The following ADRA1A variants were observed in gnomAD, a reference collection of about 807,000 sequenced individuals.
ADRA1A encodes adrenoceptor alpha 1A.
A neutral mutation model predicts 29.6 loss-of-function variants in ADRA1A; 31 were observed. The ratio of observed to expected loss-of-function variants is 1.05; its 90% CI spans 0.79 to 1.41. ADRA1A has a LOEUF of 1.41. ADRA1A is among the 40% of genes most tolerant of loss of function. The pLI is 0.00. For synonymous variants in ADRA1A, 311 were observed against 254.3 expected (o/e 1.22, Z -2.12); for missense variants, 619 against 601.1 (o/e 1.03, Z -0.31).
chr8:26,757,516 C>CG (rs917719672), intron 2 of ADRA1A, among the ~76,000 whole-genome samples: 43 of 150,330 alleles, frequency 2.9e-4, no homozygotes, highest in Non-Finnish European at 5.5e-4. Context: ...TCCATTTCCC[C>CG]CACCCCCCAC....
chr8:26,765,133 T>A (rs1453561027), downstream of ADRA1A, among the ~76,000 whole-genome samples: 1 of 152,176 alleles, frequency 6.6e-6, no homozygotes, highest in Non-Finnish European at 1.5e-5. Flanking sequence ...CTATGGTAAA[T>A]CTTCCTGCTC....
chr8:26,836,468 C>G (rs1006744511), intron 2 of ADRA1A, among the ~76,000 whole-genome samples: 1 of 152,174 alleles, frequency 6.6e-6, no homozygotes, highest in Non-Finnish European at 1.5e-5. Context: ...GAAGAGAAAA[C>G]CCACCAAACT....
rs939155569 is a variant in ADRA1A, at chr8:26,821,391, A to G, written c.883+42696T>C. On this transcript the variant is annotated intron_variant, in intron 2 of 2. Transcript: ENST00000380573. The surrounding 1 kb of genome is among the most constrained non-coding windows in gnomAD (Gnocchi z 5.6). ...AATATCACATGGTGAGAGTGGGAGC[A>G]AGACAGAGCAAGGGAGTGGGGAGGC... 1.3e-5 allele frequency among the ~76,000 whole-genome samples: 2 copies of G among 152,154 alleles called. No homozygotes were observed. The highest frequency in any genetic ancestry group is 6.5e-5 in the Admixed American group (1 of 15,278).
chr8:26,774,788 C>G (rs765107693), intron 2 of ADRA1A, among the ~76,000 whole-genome samples: 3 of 152,082 alleles, frequency 2.0e-5, no homozygotes, highest in African/African-American at 7.2e-5. Flanking sequence ...TGGAATTGGG[C>G]TTGGAAAGCA....
intron 2 of ADRA1A, among the ~76,000 whole-genome samples, chr8:26,758,029 A>G (rs1345662407): frequency 2.0e-5 from 3 of 152,218 alleles, no homozygotes; most frequent in African/African-American, 7.2e-5. Context: ...GGCTGTCTAC[A>G]ATTCAGAGAG....
At chr8:26,839,380 G>A (rs1443856639) in intron 2 of ADRA1A, among the ~76,000 whole-genome samples, 2 of 152,078 alleles carry the variant, frequency 1.3e-5, no homozygotes, top group East Asian at 1.9e-4. Context: ...GGATGGTCTC[G>A]ATCTCCTGAC....
intron 2 of ADRA1A, among the ~76,000 whole-genome samples, chr8:26,832,242 G>A (rs781683456): frequency 1.3e-5 from 2 of 152,196 alleles, no homozygotes; most frequent in Non-Finnish European, 2.9e-5. Flanking sequence ...CCTTGCTGGT[G>A]AAACCCTGTC....
chr8:26,768,012 T>A (rs1170341454), downstream of ADRA1A, among the ~76,000 whole-genome samples: 2 of 152,100 alleles, frequency 1.3e-5, no homozygotes, highest in African/African-American at 4.8e-5. Context: ...CCGGCCAACA[T>A]CTCAGTGCCA....
chr8:26,767,346 A>ATT (rs34400308), downstream of ADRA1A, among the ~76,000 whole-genome samples: 2 of 152,108 alleles, frequency 1.3e-5, no homozygotes, highest in East Asian at 1.9e-4. Context: ...AATTTTAGAT[A>ATT]TTTTTTGGCA....
At chr8:26,835,651 G>A (rs1416110493) in intron 2 of ADRA1A, among the ~76,000 whole-genome samples, 3 of 152,088 alleles carry the variant, frequency 2.0e-5, no homozygotes, top group African/African-American at 4.8e-5. Context: ...TCCCTCCCAC[G>A]ACACATGGGA....
intron 2 of ADRA1A, among the ~76,000 whole-genome samples, chr8:26,861,253 G>A (rs549634448): frequency 6.8e-6 from 1 of 147,616 alleles, no homozygotes; most frequent in South Asian, 2.1e-4. Context: ...TTGCAATCTT[G>A]TTTGCTGGCT....
At chr8:26,812,644 T>C (rs1809474280) in intron 2 of ADRA1A, among the ~76,000 whole-genome samples, 1 of 150,516 alleles carries the variant, frequency 6.6e-6, no homozygotes, top group Non-Finnish European at 1.5e-5. Context: ...TTTATTTATT[T>C]ATTTATTTAT....
chr8:26,850,045 C>CAAA (rs780926887), intron 2 of ADRA1A, among the ~76,000 whole-genome samples: 1 of 123,386 alleles, frequency 8.1e-6, no homozygotes, highest in Non-Finnish European at 1.8e-5. Flanking sequence ...AAACAAAAAA[C>CAAA]AAAAAAAAAA....
chr8:26,814,896 CTTCTT>C (rs1809655897), intron 2 of ADRA1A, among the ~76,000 whole-genome samples: 1 of 152,150 alleles, frequency 6.6e-6, no homozygotes, highest in Non-Finnish European at 1.5e-5. Flanking sequence ...ATATGTCTCT[CTTCTT>C]TTATCTCTTG....
At chr8:26,807,298 A>G (rs1165617493) in intron 2 of ADRA1A, among the ~76,000 whole-genome samples, 2 of 152,206 alleles carry the variant, frequency 1.3e-5, no homozygotes, top group Non-Finnish European at 2.9e-5. Context: ...GCTTCTTTTG[A>G]TAATTAAATA....
chr8:26,756,408 A>C, exon 3 of ADRA1A: 1 of 1,332,730 alleles, frequency 7.5e-7, no homozygotes, highest in Non-Finnish European at 9.7e-7. Flanking sequence ...CACACCCTAC[A>C]CGTGGCTGAT....
intron 2 of ADRA1A, among the ~76,000 whole-genome samples, chr8:26,849,356 A>G (rs1454728842): frequency 6.6e-6 from 1 of 152,188 alleles, no homozygotes; most frequent in African/African-American, 2.4e-5. Context: ...GATGGGAAGG[A>G]CCCTGAACTT....
downstream of ADRA1A, among the ~76,000 whole-genome samples, chr8:26,766,906 C>T (rs1483415026): frequency 6.6e-6 from 1 of 152,034 alleles, no homozygotes; most frequent in Non-Finnish European, 1.5e-5. Context: ...CTACTGTCTA[C>T]CATGGAATAT....
rs1402399436 is a variant in ADRA1A, at chr8:26,821,796, T to C, written c.883+42291A>G. Among the ~76,000 whole-genome samples the C allele has an allele frequency of 6.6e-6, 1 of 152,240 alleles. No homozygotes were observed. Among genetic ancestry groups the C allele is most frequent in the Non-Finnish European group, 1.5e-5 (1 of 68,042 alleles). ...ACTCCTGGAAATCACTAATCTGTTCTCTATTTCTATAATTTTGTCATTTCA... is the reference window on the plus strand; with the variant it reads ...ACTCCTGGAAATCACTAATCTGTTCCCTATTTCTATAATTTTGTCATTTCA... On this transcript the variant is annotated intron_variant, in intron 2 of 2. Transcript: ENST00000380573. The surrounding 1 kb of genome is among the most constrained non-coding windows in gnomAD (Gnocchi z 5.6).
Sources: gnomAD v4.1 joint callset for allele counts (sites outside exome capture counted in the v4.1 genomes callset) on GRCh38, gnomAD v4.1.1 for gene constraint, Gnocchi (gnomAD v3.1) non-coding constraint, MANE v1.5 for transcripts, NCBI Gene and HGNC (gene_info 2026-07-23, HGNC 2026-07-21) for gene names.